Variants in ZC3H4 observed in about 807,000 individuals in gnomAD.
ZC3H4 encodes the protein zinc finger CCCH domain-containing protein 4.
ZC3H4 carries 13 observed loss-of-function variants against 108.3 expected under a neutral mutation model. The ratio of observed to expected loss-of-function variants is 0.12; its 90% CI spans 0.08 to 0.19. ZC3H4 has a LOEUF of 0.19. Among genes scored for constraint, ZC3H4 ranks in the 10% least tolerant of loss-of-function variants. The pLI, the probability that ZC3H4 is intolerant of heterozygous loss-of-function variation, is 1.00. For missense variants in ZC3H4, 1,734 were observed against 1,838.8 expected, an observed-to-expected ratio of 0.94 and a Z score of 1.04; for synonymous variants, 917 against 749.6, an observed-to-expected ratio of 1.22 and a Z score of -3.65.
rs971127254 is a variant in ZC3H4, at chr19:47,090,103, G to A, written c.579C>T (p.Tyr193=). 8 of 1,614,030 alleles carry A rather than the reference G, an allele frequency of 5.0e-6. No individual in the cohort carries two copies. The highest frequency in any genetic ancestry group is 6.8e-6 in the Non-Finnish European group (8 of 1,180,040). ...CATACTGCTCATTCTCGTAGTCCTC[G>A]TACATGCCATAACTCTTGCTGTCCA... ...SKMDSKSYGM[Y]EDYENEQYGE... is the part of the protein sequence containing the mutation. The change falls in exon 5 of 15, where the codon TAC becomes TAT. Residue 193 remains tyrosine (Y), a synonymous_variant. Transcript: ENST00000253048.
intron 13 of ZC3H4, 23 bp from the exon 14 acceptor site, chr19:47,069,366 G>T (rs1200888737): frequency 3.7e-6 from 6 of 1,605,424 alleles, no homozygotes; most frequent in Non-Finnish European, 5.1e-6. Context: ...AGAACCGAGG[G>T]TTCATGTCGG....
rs755159630 is a variant in ZC3H4 at position 47,090,068 on chromosome 19, T to G, written c.614A>C (p.Glu205Ala). 6.2e-6 allele frequency: 10 copies of G among 1,614,196 alleles called. No individual in the cohort carries two copies. In the South Asian group the frequency reaches 9.9e-5, roughly 16 times the overall value. Residue 205 changes from glutamate (E) to alanine (A), a missense_variant, in exon 5 of 15, where the codon GAG becomes GCG. By Grantham distance (107) the Glu-to-Ala change is moderately radical. Coordinates refer to ENST00000253048, the MANE Select transcript of ZC3H4 (RefSeq NM_015168.2). ...GCCCATGTCCTCCTCCTCGTCGCCC[T>G]CATATTCCCCATACTGCTCATTCTC... ...DYENEQYGEY[E>A]GDEEEDMGKE...
chr19:47,067,235 C>T lies in ZC3H4; in HGVS notation c.3033G>A (p.Arg1011=), dbSNP rs756724585. Residue 1011 remains arginine, a synonymous_variant, in exon 15 of 15, where the codon CGG becomes CGA. Transcript: ENST00000253048. The surrounding 1 kb of genome is among the most constrained non-coding windows in gnomAD (Gnocchi z 6.4). Reference sequence around the variant, plus strand: ...GCCCTGCCGTGGCAGCGCGGTGCAGCCGGGGGTCCAGGGTGGGCATGGATT... The same window carrying T: ...GCCCTGCCGTGGCAGCGCGGTGCAGTCGGGGGTCCAGGGTGGGCATGGATT... The part of the protein sequence containing the change: ...ALQSMPTLDP[R]LHRAATAGPP... 1.0e-5 allele frequency: 16 copies of T among 1,604,924 alleles called. No individual in the cohort carries two copies. Among genetic ancestry groups the T allele is most frequent in the Non-Finnish European group, 1.4e-5 (16 of 1,175,880 alleles).
At chr19:47,110,841 G>A (rs1334439865) in intron 2 of ZC3H4, 31 of 904,886 alleles carry the variant, frequency 3.4e-5, no homozygotes, top group Non-Finnish European at 3.8e-5. Flanking sequence ...CGATTCCCAG[G>A]ACGATACATT....
intron 8 of ZC3H4, 92 bp downstream of exon 8, chr19:47,084,964 A>G (rs2057590497): frequency 6.5e-7 from 1 of 1,536,648 alleles, no homozygotes; most frequent in African/African-American, 1.4e-5. Context: ...TGATGGCAGC[A>G]AGGATCAGCT....
Position 47,066,515 on chromosome 19 carries a change from G to A in ZC3H4, c.3753C>T (p.Pro1251=), listed in dbSNP as rs769161663. The part of the protein sequence containing the change: ...APPQPGVHNL[P]VPTLFGTVKQ... ...TCACCGTCCCGAAGAGGGTGGGCACGGGCAGGTTGTGCACCCCGGGCTGGG... is the reference window on the plus strand; with the variant it reads ...TCACCGTCCCGAAGAGGGTGGGCACAGGCAGGTTGTGCACCCCGGGCTGGG... Residue 1251 remains proline (P), a synonymous_variant, in exon 15 of 15, where the codon CCC becomes CCT. Coordinates refer to ENST00000253048, the MANE Select transcript of ZC3H4 (RefSeq NM_015168.2). The A allele has an allele frequency of 1.5e-4, 235 of 1,572,818 alleles. No individual in the cohort carries two copies. The highest frequency in any genetic ancestry group is 2.3e-4 in the South Asian group (19 of 84,070).
Position 47,072,028 on chromosome 19 carries a change from C to T in ZC3H4, c.1896G>A (p.Met632Ile), listed in dbSNP as rs779499913. Residue 632 changes from methionine (M) to isoleucine (I), a missense_variant, in exon 13 of 15, where the codon ATG becomes ATA. Transcript: ENST00000253048. This position sits in a 1 kb window ranked among gnomAD's most constrained non-coding sequence, Gnocchi z 5.6. ...GPMGGPMHPD[M>I]HPDMHPDMHP... ...GCATGTCCGGGTGCATGTCGGGGTG[C>T]ATGTCAGGATGCATTGGACCGCCCA... 2 of 1,580,254 alleles carry T rather than the reference C, an allele frequency of 1.3e-6. No individual in the cohort carries two copies. Among genetic ancestry groups the T allele is most frequent in the South Asian group, 1.1e-5 (1 of 88,590 alleles).
chr19:47,104,893 G>A (rs965378937), intron 2 of ZC3H4, among the ~76,000 whole-genome samples: 15 of 152,108 alleles, frequency 9.9e-5, no homozygotes, highest in African/African-American at 3.4e-4. Context: ...CAGCTCCCTC[G>A]GTTAGGCCAT....
chr19:47,089,903 G>A (rs2057700273), intron 5 of ZC3H4, 64 bp downstream of exon 5: 1 of 1,567,348 alleles, frequency 6.4e-7, no homozygotes, highest in East Asian at 2.2e-5. Context: ...GTGAGACCAG[G>A]CCACCGGGGT....
At position 47,085,581 on chromosome 19, in the gene ZC3H4, C is replaced by A. The variant is rs2057605224; in HGVS notation, c.871-167G>T. Among the ~76,000 whole-genome samples the A allele has an allele frequency of 2.0e-5, 3 of 152,250 alleles. No homozygotes were observed. In the South Asian group the frequency reaches 6.2e-4, roughly 32 times the overall value. The stretch of plus-strand genomic sequence containing the variant: ...CAGGTGGTCCCAATCCTTCCCACTG[C>A]AGTCTTCACTGTGAAGACCTGACCC... On this transcript the variant is annotated intron_variant, in intron 6 of 14. Coordinates refer to ENST00000253048, the MANE Select transcript of ZC3H4 (RefSeq NM_015168.2).
chr19:47,089,592 G>A (rs2057694989), intron 5 of ZC3H4, among the ~76,000 whole-genome samples: 1 of 152,218 alleles, frequency 6.6e-6, no homozygotes, highest in African/African-American at 2.4e-5. Flanking sequence ...GGCAAGGACT[G>A]CAGTCACACT....
intron 9 of ZC3H4, among the ~76,000 whole-genome samples, 169 bp from the exon 10 acceptor site, chr19:47,082,464 C>T (rs541897737): frequency 6.4e-4 from 98 of 152,276 alleles, no homozygotes; most frequent in African/African-American, 2.2e-3. Context: ...GTCCCAAAGG[C>T]TGTTGGGACT....
chr19:47,074,411 C>G (rs1248474766), intron 11 of ZC3H4, among the ~76,000 whole-genome samples: 1 of 152,200 alleles, frequency 6.6e-6, no homozygotes, highest in Non-Finnish European at 1.5e-5. Context: ...AGGGCAGACG[C>G]CCAGTGAGTG....
In ZC3H4 at chr19:47,090,176, T is replaced by C. The variant is rs910774856; in HGVS notation, c.506A>G (p.Tyr169Cys). 1 of 1,613,858 alleles carries C rather than the reference T, an allele frequency of 6.2e-7. No individual in the cohort carries two copies. The highest frequency in any genetic ancestry group is 8.5e-7 in the Non-Finnish European group (1 of 1,179,956). ...CAGGGGCGTGGCATGCGATGGGGGG[T>C]ACTGCTGGTGGGACTGCGTCCCAGA... ...SPPYAPSHQQ[Y>C]PPSHATPLPK... Residue 169 changes from tyrosine to cysteine, a missense_variant, in exon 5 of 15, where the codon TAC (tyrosine) becomes TGC (cysteine). This residue lies in a region of ZC3H4 where 403 missense variants were observed against 457.0 expected (regional missense o/e 0.88). Coordinates refer to ENST00000253048, the MANE Select transcript of ZC3H4 (RefSeq NM_015168.2).
intron 11 of ZC3H4, among the ~76,000 whole-genome samples, chr19:47,075,814 C>T (rs2057408583): frequency 6.6e-6 from 1 of 152,170 alleles, no homozygotes. Flanking sequence ...GAAAGGAGCT[C>T]AGGCCCTGAA....
chr19:47,094,487 C>T lies in ZC3H4; in HGVS notation c.283G>A (p.Asp95Asn). 1 of 1,614,230 alleles carries T rather than the reference C, an allele frequency of 6.2e-7. No individual in the cohort carries two copies. The highest frequency in any genetic ancestry group is 8.5e-7 in the Non-Finnish European group (1 of 1,180,030). ...EKGEKHHSDS[D>N]EEKSHRRLKR... ...AGTCTCCTGTGGGACTTCTCCTCAT[C>T]CGAATCACTGTGATGCTTCTCCCCC... The change falls in exon 3 of 15, where the codon GAT becomes AAT. Residue 95 changes from aspartate (D) to asparagine (N), a missense_variant. By Grantham distance (23) the Asp-to-Asn change is conservative. Around this residue, in one of 9 missense-constraint regions of ZC3H4, gnomAD observed 403 missense variants for 457.0 expected, o/e 0.88. Coordinates refer to ENST00000253048, the MANE Select transcript of ZC3H4 (RefSeq NM_015168.2).
intron 2 of ZC3H4, among the ~76,000 whole-genome samples, chr19:47,105,669 GA>G (rs2057959409): frequency 6.6e-6 from 1 of 152,182 alleles, no homozygotes; most frequent in Admixed American, 6.5e-5. Context: ...TTTGGCCCGA[GA>G]ATCATAGTTT....
chr19:47,097,766 C>T (rs2057845524), intron 2 of ZC3H4, among the ~76,000 whole-genome samples: 1 of 152,138 alleles, frequency 6.6e-6, no homozygotes. Flanking sequence ...GGGGGAAGCC[C>T]CACCGCGCTA....
chr19:47,097,962 T>C (rs2057849616), intron 2 of ZC3H4, among the ~76,000 whole-genome samples: 1 of 152,200 alleles, frequency 6.6e-6, no homozygotes, highest in Admixed American at 6.5e-5. Context: ...GGAGACCGAC[T>C]TGGAACTGGC....
Sources: allele counts gnomAD v4.1 joint callset (sites outside exome capture counted in the v4.1 genomes callset), GRCh38; gene constraint gnomAD v4.1.1; regional missense constraint gnomAD v4.1.1; non-coding constraint Gnocchi (gnomAD v3.1); transcripts MANE v1.5; gene names NCBI Gene and HGNC (gene_info 2026-07-23, HGNC 2026-07-21).